MC2R: variants seen among roughly 807,000 people sequenced by gnomAD.
The protein encoded by MC2R is melanocortin 2 receptor, also known as adrenocorticotropic hormone receptor.
A neutral mutation model predicts 9.8 loss-of-function variants in MC2R; 9 were observed. The observed-to-expected ratio is 0.92, with a 90% confidence interval of 0.55 to 1.60. The LOEUF (loss-of-function observed/expected upper bound fraction) is 1.60. MC2R is among the 40% of genes most tolerant of loss of function. The probability of loss-of-function intolerance (pLI) is 0.00; values close to 1 mark genes in which losing one functional copy is unlikely to be tolerated. For missense variants in MC2R, 370 were observed against 389.0 expected (o/e 0.95, Z 0.41); for synonymous variants, 185 against 154.7 (o/e 1.20, Z -1.45).
chr18:13,884,750 G>C lies in MC2R; in HGVS notation c.769C>G (p.Leu257Val), dbSNP rs2045262277. The C allele has an allele frequency of 1.9e-6, 3 of 1,614,116 alleles. No homozygotes were observed. The highest frequency in any genetic ancestry group is 2.5e-6 in the Non-Finnish European group (3 of 1,180,030). Residue 257 changes from leucine (L) to valine (V), a missense_variant, in exon 2 of 2, where the codon CTC becomes GTC. Transcript: ENST00000327606. ...SNPYCACYMS[L>V]FQVNGMLIMC... ...ATCAACATGCCGTTCACCTGGAAGA[G>C]AGACATGTAGCAGGCGCAGTAGGGG...
chr18:13,884,799 G>T lies in MC2R; in HGVS notation c.720C>A (p.Leu240=). ...GGTTACTTGGGCAGAATGTCATCAA[G>T]AGGACATGAAGCACAAAGGGGGCCC... ...FCWAPFVLHV[L]LMTFCPSNPY... is the part of the protein sequence containing the mutation. The change falls in exon 2 of 2, where the codon CTC becomes CTA. Residue 240 remains leucine (L), a synonymous_variant. Coordinates refer to ENST00000327606, the MANE Select transcript of MC2R (RefSeq NM_000529.2). 1 of 1,614,012 alleles carries T rather than the reference G, an allele frequency of 6.2e-7. No individual in the cohort carries two copies. The highest frequency in any genetic ancestry group is 8.5e-7 in the Non-Finnish European group (1 of 1,180,026).
intron 1 of MC2R, among the ~76,000 whole-genome samples, chr18:13,899,074 T>C (rs2045363721): frequency 1.3e-5 from 2 of 152,136 alleles, no homozygotes; most frequent in South Asian, 4.1e-4. Flanking sequence ...AGACAGAGAA[T>C]TCAAAACACC....
At chr18:13,915,391 T>C (rs1476547790) in intron 1 of MC2R, 97 bp downstream of exon 1, 1 of 152,596 alleles carries the variant, frequency 6.6e-6, no homozygotes, top group Non-Finnish European at 1.5e-5. Flanking sequence ...TTTGGAGGAA[T>C]TCTGAATAGT....
At chr18:13,893,920 A>C (rs538273043) in intron 1 of MC2R, among the ~76,000 whole-genome samples, 5 of 152,316 alleles carry the variant, frequency 3.3e-5, no homozygotes, top group African/African-American at 1.2e-4. Context: ...AATAGATTTG[A>C]GGTTGTTCAC....
In MC2R at chr18:13,915,482, A is replaced by G. The variant is rs1165043894; in HGVS notation, c.-129+6T>C. 6.5e-6 allele frequency: 1 copy of G among 152,786 alleles called. No homozygotes were observed. Among genetic ancestry groups the G allele is most frequent in the African/African-American group, 2.4e-5 (1 of 41,450 alleles). The allele number at this position is 152,786 out of a possible 1,614,324, so 9.5% of individuals were successfully genotyped here. On this transcript the variant is annotated splice_donor_region_variant and intron_variant, in intron 1 of 1. Transcript: ENST00000327606. ...AAGCTGAGGAATTAGTGGAAAATGT[A>G]CTTACCTTCAGCTCTGAAGCAGGAA...
intron 1 of MC2R, among the ~76,000 whole-genome samples, chr18:13,909,915 C>A (rs1295249676): frequency 1.3e-5 from 2 of 152,092 alleles, no homozygotes; most frequent in Non-Finnish European, 2.9e-5. Flanking sequence ...TACTGGGGTG[C>A]CATTTAAATT....
rs186414337 is a variant in MC2R at position 13,914,621 on chromosome 18, T to C, written c.-129+867A>G. Among the ~76,000 whole-genome samples, 87 of 152,314 alleles carry C rather than the reference T, an allele frequency of 5.7e-4. 1 individual carries two copies. Among genetic ancestry groups the C allele is most frequent in the Admixed American group, 5.7e-3 (87 of 15,292 alleles). On this transcript the variant is annotated intron_variant, in intron 1 of 1. Coordinates refer to ENST00000327606, the MANE Select transcript of MC2R (RefSeq NM_000529.2). ...TTTTGCATGCATGTATGTATGTATG[T>C]TTACAAGTGTGCACGTGTATGTGTG...
chr18:13,904,572 A>G (rs2045401334), intron 1 of MC2R, among the ~76,000 whole-genome samples: 1 of 152,118 alleles, frequency 6.6e-6, no homozygotes, highest in African/African-American at 2.4e-5. Context: ...GAGAAAAAAA[A>G]GGAAAAAAGC....
At chr18:13,885,689 G>GA in intron 1 of MC2R, 43 bp from the exon 2 acceptor site, 1 of 706,228 alleles carries the variant, frequency 1.4e-6, no homozygotes, top group Non-Finnish European at 2.4e-6. Context: ...AAGTACACTA[G>GA]AAAATAAAAA....
At chr18:13,886,229 A>T in intron 1 of MC2R, among the ~76,000 whole-genome samples, 1 of 152,240 alleles carries the variant, frequency 6.6e-6, no homozygotes, top group East Asian at 1.9e-4. Context: ...AAAAATATAT[A>T]TAAAGTGTTG....
At chr18:13,896,779 G>A (rs181090056) in intron 1 of MC2R, among the ~76,000 whole-genome samples, 1 of 152,124 alleles carries the variant, frequency 6.6e-6, no homozygotes, top group African/African-American at 2.4e-5. Flanking sequence ...TGTTTACAAA[G>A]ATGCATATAC....
chr18:13,909,638 G>A (rs1317887458), intron 1 of MC2R, among the ~76,000 whole-genome samples: 1 of 152,126 alleles, frequency 6.6e-6, no homozygotes, highest in Non-Finnish European at 1.5e-5. Context: ...ATAATCCAAT[G>A]CTATTTGATT....
chr18:13,908,290 C>G (rs2045425117), intron 1 of MC2R, among the ~76,000 whole-genome samples: 2 of 152,156 alleles, frequency 1.3e-5, no homozygotes, highest in Non-Finnish European at 2.9e-5. Flanking sequence ...ACAAATGTCC[C>G]TTGTTCTCAC....
chr18:13,898,372 T>C (rs1598464819), intron 1 of MC2R, among the ~76,000 whole-genome samples: 1 of 152,162 alleles, frequency 6.6e-6, no homozygotes, highest in East Asian at 1.9e-4. Flanking sequence ...GAACACTAGG[T>C]AGACTTCTAA....
At chr18:13,888,327 C>T (rs892858178) in intron 1 of MC2R, among the ~76,000 whole-genome samples, 1 of 152,134 alleles carries the variant, frequency 6.6e-6, no homozygotes, top group Admixed American at 6.5e-5. Flanking sequence ...GTGGATGCTG[C>T]CAAGCTGGTG....
chr18:13,913,384 C>CA (rs2045457972), intron 1 of MC2R, among the ~76,000 whole-genome samples: 1 of 152,180 alleles, frequency 6.6e-6, no homozygotes, highest in Non-Finnish European at 1.5e-5. Context: ...ACGCTTGCTG[C>CA]CCCCAGGTTT....
chr18:13,911,021 TTA>T (rs1446818053), intron 1 of MC2R, among the ~76,000 whole-genome samples: 1 of 152,220 alleles, frequency 6.6e-6, no homozygotes, highest in Non-Finnish European at 1.5e-5. Context: ...ATCCCATGAT[TTA>T]TGATTTATAA....
rs10582120 is a variant in MC2R, at chr18:13,883,627, A to ACTCTCTCTCT, written c.*988_*997dup. On this transcript the variant is annotated 3_prime_UTR_variant, in exon 2 of 2. Transcript: ENST00000327606. ...CACACACACACACACACACACACAC[A>ACTCTCTCTCT]CTCTCTCTCTCTCTCTCTCTCTCTC... is the stretch of plus-strand genomic sequence containing the variant. 4 of 53,128 alleles carry ACTCTCTCTCT rather than the reference A, an allele frequency of 7.5e-5. No individual in the cohort carries two copies. The highest frequency in any genetic ancestry group is 7.1e-4 in the South Asian group (1 of 1,414). The allele number at this position is 53,128 out of a possible 1,614,324, so 3.3% of individuals were successfully genotyped here. A position where few individuals can be genotyped will look rare whatever the true frequency, so the allele number is the denominator to read the frequency against.
intron 1 of MC2R, 37 bp downstream of exon 1, chr18:13,915,451 C>T (rs904355677): frequency 2.0e-5 from 3 of 152,632 alleles, no homozygotes; most frequent in African/African-American, 7.2e-5. Flanking sequence ...TCCAAAAGCA[C>T]TTAGCAAGCT....
Sources: allele counts gnomAD v4.1 joint callset (sites outside exome capture counted in the v4.1 genomes callset), GRCh38; gene constraint gnomAD v4.1.1; transcripts MANE v1.5; gene names NCBI Gene and HGNC (gene_info 2026-07-23, HGNC 2026-07-21).